The following IL3RA variants were observed in gnomAD, a reference collection of about 807,000 sequenced individuals.
IL3RA encodes the protein interleukin 3 receptor subunit alpha.
In IL3RA, 73 loss-of-function variants were observed where a neutral mutation model predicts 52.3. That is an observed-to-expected ratio of 1.40 (90% CI 1.16 to 1.70). IL3RA has a LOEUF of 1.70. Ranked by LOEUF, IL3RA falls within the 40% of genes most tolerant of loss-of-function variation. The probability of loss-of-function intolerance (pLI) is 0.00; values close to 1 mark genes in which losing one functional copy is unlikely to be tolerated. For missense variants in IL3RA, 664 were observed against 504.4 expected, an observed-to-expected ratio of 1.32 and a Z score of -3.03; for synonymous variants, 260 against 194.0, an observed-to-expected ratio of 1.34 and a Z score of -2.83.
chrX:1,361,422 A>C (rs1156594835), intron 8 of IL3RA, among the ~76,000 whole-genome samples: 9 of 151,952 alleles, frequency 5.9e-5, no homozygotes, highest in Admixed American at 5.2e-4. Flanking sequence ...GTGAAGGAGG[A>C]GGAAAGGCAT....
chrX:1,358,831 C>T (rs772479934), intron 7 of IL3RA, 30 bp from the exon 8 acceptor site: 53 of 1,613,112 alleles, frequency 3.3e-5, no homozygotes, highest in Non-Finnish European at 4.3e-5. Context: ...GGTCCAGACA[C>T]TCAAAAGTTT....
intron 11 of IL3RA, 27 bp downstream of exon 11, chrX:1,381,131 G>C: frequency 6.2e-7 from 1 of 1,608,750 alleles, no homozygotes; most frequent in East Asian, 2.2e-5. Context: ...GCCTTGGGAC[G>C]GGTCTGGAGG....
At chrX:1,347,152 G>C (rs755204264) in intron 3 of IL3RA, among the ~76,000 whole-genome samples, 1 of 151,658 alleles carries the variant, frequency 6.6e-6, no homozygotes, top group Non-Finnish European at 1.5e-5. Flanking sequence ...ATTGCTATAA[G>C]AATACACAAG....
intron 2 of IL3RA, 83 bp from the exon 3 acceptor site, chrX:1,345,233 C>CAAAA (rs112995756): frequency 1.2e-3 from 807 of 681,370 alleles, no homozygotes; most frequent in South Asian, 2.1e-3. Context: ...ACTCCACGGG[C>CAAAA]AAAAAAAAAA....
intron 2 of IL3RA, 61 bp downstream of exon 2, chrX:1,341,890 C>T: frequency 6.4e-7 from 1 of 1,550,676 alleles, no homozygotes; most frequent in South Asian, 1.1e-5. Context: ...GACAGACACA[C>T]AATGTCAGCG....
chrX:1,352,121 C>T lies in IL3RA; in HGVS notation c.320C>T (p.Ala107Val), dbSNP rs200007566. ...PENSGKPWAGAENLTCWIHDV... is the reference protein window; with the variant it reads ...PENSGKPWAGVENLTCWIHDV... ...CCAGGTGGGAAGCCTTGGGCAGGTGCGGAGAATCTGACCTGCTGGATTCAT... is the reference window on the plus strand; with the variant it reads ...CCAGGTGGGAAGCCTTGGGCAGGTGTGGAGAATCTGACCTGCTGGATTCAT... Residue 107 changes from alanine to valine, a missense_variant, in exon 5 of 12, where the codon GCG becomes GTG. Physicochemically the swap from Ala to Val is moderately conservative, Grantham distance 64. Coordinates refer to ENST00000331035, the MANE Select transcript of IL3RA (RefSeq NM_002183.4). 455 of 1,613,776 alleles carry T rather than the reference C, an allele frequency of 2.8e-4. No homozygotes were observed. Among genetic ancestry groups the T allele is most frequent in the Non-Finnish European group, 3.8e-4 (443 of 1,179,798 alleles).
chrX:1,351,132 G>A lies in IL3RA; in HGVS notation c.299-968G>A, dbSNP rs1217299024. Among the ~76,000 whole-genome samples, 28 of 151,982 alleles carry A rather than the reference G, an allele frequency of 1.8e-4. 1 individual carries two copies. Among genetic ancestry groups the A allele is most frequent in the African/African-American group, 6.5e-4 (27 of 41,470 alleles). On this transcript the variant is annotated intron_variant, in intron 4 of 11. Transcript: ENST00000331035. Reference sequence around the variant, plus strand: ...TGAGGCAGGAGAATTGCTTGAACCCGGGAGGTGGAGGTTGCAGTGAGCCGA... The same window carrying A: ...TGAGGCAGGAGAATTGCTTGAACCCAGGAGGTGGAGGTTGCAGTGAGCCGA...
At chrX:1,368,035 G>T (rs1192642522) in intron 9 of IL3RA, among the ~76,000 whole-genome samples, 2 of 152,048 alleles carry the variant, frequency 1.3e-5, no homozygotes, top group Admixed American at 6.5e-5. Flanking sequence ...CGAGGCGGGC[G>T]GATCACAAGG....
chrX:1,378,725 C>T lies in IL3RA; in HGVS notation c.941C>T (p.Thr314Met), dbSNP rs534672301. Reference sequence around the variant, plus strand: ...ACGTCGCTGCTGATCGCGCTGGGGACGCTGCTGGCCCTGGTCTGTGTCTTC... The same window carrying T: ...ACGTCGCTGCTGATCGCGCTGGGGATGCTGCTGGCCCTGGTCTGTGTCTTC... The part of the protein sequence containing the change: ...WRTSLLIALG[T>M]LLALVCVFVI... Residue 314 changes from threonine to methionine, a missense_variant, in exon 10 of 12, where the codon ACG becomes ATG. Transcript: ENST00000331035. 35 of 1,612,528 alleles carry T rather than the reference C, an allele frequency of 2.2e-5. No homozygotes were observed. The highest frequency in any genetic ancestry group is 7.7e-5 in the South Asian group (7 of 91,020).
chrX:1,367,630 G>C (rs1198508975), intron 9 of IL3RA, among the ~76,000 whole-genome samples: 1 of 106,304 alleles, frequency 9.4e-6, no homozygotes, highest in Non-Finnish European at 1.9e-5. Context: ...GGGGTGAGCG[G>C]GGTGCGCCGG....
intron 9 of IL3RA, among the ~76,000 whole-genome samples, chrX:1,368,228 C>T (rs1334986632): frequency 2.6e-5 from 4 of 151,872 alleles, no homozygotes; most frequent in African/African-American, 9.7e-5. Flanking sequence ...CACTGTGCTC[C>T]ATCCAGCCTG....
intron 8 of IL3RA, among the ~76,000 whole-genome samples, chrX:1,363,198 C>T (rs1340453023): frequency 6.6e-6 from 1 of 152,094 alleles, no homozygotes; most frequent in Non-Finnish European, 1.5e-5. Flanking sequence ...ATCATAAGGC[C>T]CCATTGTAAG....
chrX:1,382,349 T>C lies in IL3RA; in HGVS notation c.1063-42T>C, dbSNP rs758166438. 4.6e-6 allele frequency: 7 copies of C among 1,523,524 alleles called. No individual in the cohort carries two copies. The African/African-American group carries it at 6.9e-5, about 15-fold the overall frequency. 94.4% of individuals were successfully genotyped at this position (1,523,524 alleles called of 1,614,324 possible). A position where few individuals can be genotyped will look rare whatever the true frequency, so the allele number is the denominator to read the frequency against. ...AGATCAGGACGTGGGCTCTGTTATC[T>C]GGGGGGTGGCCGACTCACCCTGCCT... is the stretch of plus-strand genomic sequence containing the variant. On this transcript the variant is annotated intron_variant, in intron 11 of 11. Transcript: ENST00000331035.
intron 4 of IL3RA, among the ~76,000 whole-genome samples, chrX:1,348,814 C>T (rs2085940137): frequency 7.1e-6 from 1 of 141,024 alleles, no homozygotes; most frequent in Non-Finnish European, 1.5e-5. Context: ...ACTTCCTTCC[C>T]TCCCTCCTTC....
At chrX:1,370,166 A>C (rs1172533447) in intron 9 of IL3RA, among the ~76,000 whole-genome samples, 5 of 31,406 alleles carry the variant, frequency 1.6e-4, no homozygotes, top group East Asian at 1.3e-3. Context: ...AGGAACCAGC[A>C]CTGCCCACAC....
intron 9 of IL3RA, among the ~76,000 whole-genome samples, chrX:1,367,910 A>C (rs2088284320): frequency 6.6e-6 from 1 of 151,872 alleles, no homozygotes; most frequent in African/African-American, 2.4e-5. Context: ...TGACCCCAAA[A>C]AGGACCCTGA....
At chrX:1,360,066 C>T (rs2087091755) in intron 8 of IL3RA, among the ~76,000 whole-genome samples, 1 of 144,442 alleles carries the variant, frequency 6.9e-6, no homozygotes, top group Admixed American at 7.1e-5. Flanking sequence ...TATCTCTCTC[C>T]CTTTCTCCCT....
chrX:1,378,868 A>G, intron 10 of IL3RA, 104 bp downstream of exon 10: 1 of 1,087,504 alleles, frequency 9.2e-7, no homozygotes, highest in East Asian at 2.6e-5. Flanking sequence ...TTTGTGATGG[A>G]GTCTCGCTCT....
chrX:1,349,366 G>C (rs1234879836), intron 4 of IL3RA, among the ~76,000 whole-genome samples: 2 of 151,844 alleles, frequency 1.3e-5, no homozygotes, highest in Non-Finnish European at 2.9e-5. Flanking sequence ...ATTTTTAGTA[G>C]AGATGGGGTT....
Sources: gnomAD v4.1 joint callset for allele counts (sites outside exome capture counted in the v4.1 genomes callset) on GRCh38, gnomAD v4.1.1 for gene constraint, MANE v1.5 for transcripts, NCBI Gene and HGNC (gene_info 2026-07-23, HGNC 2026-07-21) for gene names.